Variants in CDH17 observed in about 807,000 individuals in gnomAD.
CDH17 encodes cadherin-17.
A neutral mutation model predicts 86.3 loss-of-function variants in CDH17; 67 were observed. The ratio of observed to expected loss-of-function variants is 0.78; its 90% CI spans 0.64 to 0.95. CDH17 has a LOEUF of 0.95. Among genes scored for constraint, CDH17 ranks in the 40% least tolerant of loss-of-function variants. CDH17 has a pLI of 0.00. For synonymous variants in CDH17, 367 were observed against 366.4 expected, an observed-to-expected ratio of 1.00 and a Z score of -0.02; for missense variants, 993 against 1,017.6, an observed-to-expected ratio of 0.98 and a Z score of 0.33.
At chr8:94,190,202 TG>T (rs1353930528) in intron 2 of CDH17, among the ~76,000 whole-genome samples, 1 of 152,228 alleles carries the variant, frequency 6.6e-6, no homozygotes, top group East Asian at 1.9e-4. Context: ...TTAAATTATT[TG>T]CCCAGGTAGT....
At chr8:94,180,500 A>G (rs936181622) in intron 3 of CDH17, among the ~76,000 whole-genome samples, 1 of 151,256 alleles carries the variant, frequency 6.6e-6, no homozygotes, top group African/African-American at 2.5e-5. Flanking sequence ...TGAAAGATAG[A>G]GAATCTTAAA....
intron 12 of CDH17, among the ~76,000 whole-genome samples, chr8:94,154,128 G>A (rs1400867774): frequency 6.6e-6 from 1 of 152,148 alleles, no homozygotes; most frequent in African/African-American, 2.4e-5. Flanking sequence ...AAAACATGTT[G>A]TCCTCCTATA....
At chr8:94,194,883 T>G (rs1007905030) in intron 1 of CDH17, among the ~76,000 whole-genome samples, 178 bp from the exon 2 acceptor site, 2 of 152,216 alleles carry the variant, frequency 1.3e-5, no homozygotes, top group African/African-American at 2.4e-5. Context: ...ATGCACATCA[T>G]CCATAGCAAT....
chr8:94,162,431 TAGGTA>T (rs1398768724), intron 10 of CDH17, among the ~76,000 whole-genome samples: 2 of 152,200 alleles, frequency 1.3e-5, no homozygotes, highest in African/African-American at 4.8e-5. Context: ...TAAGTAAAGT[TAGGTA>T]AGGTTTGTTC....
At chr8:94,215,998 G>T (rs1814189072) in intron 1 of CDH17, among the ~76,000 whole-genome samples, 1 of 151,950 alleles carries the variant, frequency 6.6e-6, no homozygotes, top group Non-Finnish European at 1.5e-5. Flanking sequence ...TGACAATGTG[G>T]GCATAATGGC....
chr8:94,204,395 A>T (rs4734271), intron 1 of CDH17, among the ~76,000 whole-genome samples: 1 of 151,840 alleles, frequency 6.6e-6, no homozygotes, highest in Non-Finnish European at 1.5e-5. Flanking sequence ...GAACATGCAG[A>T]GTTTGGTTTT....
intron 11 of CDH17, 30 bp from the exon 12 acceptor site, chr8:94,160,192 A>T (rs1294200506): frequency 6.4e-7 from 1 of 1,558,628 alleles, no homozygotes; most frequent in Non-Finnish European, 8.8e-7. Context: ...GGAAACAATG[A>T]GAAGGTCTGC....
Position 94,146,124 on chromosome 8 carries a change from A to G in CDH17, c.1971T>C (p.Leu657=), listed in dbSNP as rs1318411221. 1 of 1,609,174 alleles carries G rather than the reference A, an allele frequency of 6.2e-7. No individual in the cohort carries two copies. Among genetic ancestry groups the G allele is most frequent in the Non-Finnish European group, 8.5e-7 (1 of 1,177,664 alleles). ...LSSVSEFHLI[L]MDVNDNPPRL... is the part of the protein sequence containing the mutation. ...TGGGAGGGTTGTCATTCACATCCAT[A>G]AGGATCAGGTGGAACTCTGACACAG... is the stretch of plus-strand genomic sequence containing the variant. Residue 657 remains leucine, a synonymous_variant, in exon 15 of 18, where the codon CTT becomes CTC. Coordinates refer to ENST00000027335, the MANE Select transcript of CDH17 (RefSeq NM_004063.4).
chr8:94,133,927 C>A (rs1462779025), intron 15 of CDH17, among the ~76,000 whole-genome samples: 1 of 152,094 alleles, frequency 6.6e-6, no homozygotes, highest in Non-Finnish European at 1.5e-5. Flanking sequence ...TGATTTTTGT[C>A]ATTGGTTTTT....
intron 17 of CDH17, among the ~76,000 whole-genome samples, chr8:94,130,153 G>T (rs1430012567): frequency 6.6e-6 from 1 of 152,186 alleles, no homozygotes; most frequent in Non-Finnish European, 1.5e-5. Flanking sequence ...AAGAATCAGG[G>T]TTCTATGCAT....
intron 15 of CDH17, among the ~76,000 whole-genome samples, chr8:94,135,673 T>C (rs1812509478): frequency 6.6e-6 from 1 of 152,210 alleles, no homozygotes; most frequent in African/African-American, 2.4e-5. Context: ...AATATTGTTA[T>C]GTGTGAATTT....
At chr8:94,216,084 C>A (rs149817457) in intron 1 of CDH17, among the ~76,000 whole-genome samples, 1 of 152,226 alleles carries the variant, frequency 6.6e-6, no homozygotes, top group East Asian at 1.9e-4. Flanking sequence ...CCTGCCTGAA[C>A]GAAGACTATT....
At chr8:94,184,188 C>T (rs1258066112) in intron 3 of CDH17, among the ~76,000 whole-genome samples, 1 of 151,238 alleles carries the variant, frequency 6.6e-6, no homozygotes, top group African/African-American at 2.5e-5. Context: ...TAACTTTGAC[C>T]CAGCAGTCCT....
intron 15 of CDH17, among the ~76,000 whole-genome samples, chr8:94,140,510 G>C (rs76489066): frequency 0.025 from 3,845 of 151,926 alleles, 164 homozygotes; most frequent in African/African-American, 0.088. Flanking sequence ...TCAAATTAAT[G>C]GCATCAGCTT....
At chr8:94,215,488 G>A (rs1434161399) in intron 1 of CDH17, among the ~76,000 whole-genome samples, 1 of 152,098 alleles carries the variant, frequency 6.6e-6, no homozygotes, top group African/African-American at 2.4e-5. Flanking sequence ...GCAGTTGGGG[G>A]GCAGAGGGGG....
At chr8:94,210,225 GT>G (rs1386014667), upstream of CDH17, among the ~76,000 whole-genome samples, 20 of 16,118 alleles carry the variant, frequency 1.2e-3, no homozygotes, top group African/African-American at 4.3e-3. Context: ...CTTTATGCGA[GT>G]AAAAAAAAAA....
intron 1 of CDH17, among the ~76,000 whole-genome samples, chr8:94,200,537 GTTTTTTTTTTTTT>G (rs10600702): frequency 2.3e-4 from 13 of 56,914 alleles, no homozygotes; most frequent in Non-Finnish European, 3.8e-4. Context: ...ATTATCTTTT[GTTTTTTTTTTTTT>G]TTTTTTTTTT....
At chr8:94,194,592 A>G in intron 2 of CDH17, 43 bp downstream of exon 2, 1 of 1,332,104 alleles carries the variant, frequency 7.5e-7, no homozygotes, top group Non-Finnish European at 1.1e-6. Flanking sequence ...ATAGCAGAAA[A>G]TATTCTAGTA....
intron 5 of CDH17, among the ~76,000 whole-genome samples, chr8:94,176,092 G>T (rs1813365711): frequency 2.0e-5 from 3 of 152,048 alleles, no homozygotes; most frequent in Non-Finnish European, 2.9e-5. Context: ...TCACTTTGTT[G>T]CCCAGGCTGG....
Sources: gnomAD v4.1 joint callset for allele counts (sites outside exome capture counted in the v4.1 genomes callset) on GRCh38, gnomAD v4.1.1 for gene constraint, MANE v1.5 for transcripts, NCBI Gene and HGNC (gene_info 2026-07-23, HGNC 2026-07-21) for gene names.